Variants in PTPN4 observed in about 807,000 individuals in gnomAD.
PTPN4 encodes protein tyrosine phosphatase non-receptor type 4.
PTPN4 carries 49 observed loss-of-function variants against 135.5 expected under a neutral mutation model. That is an observed-to-expected ratio of 0.36 (90% CI 0.29 to 0.46). The LOEUF (loss-of-function observed/expected upper bound fraction) is 0.46. Ranked by LOEUF, PTPN4 falls within the 20% of genes least tolerant of loss-of-function variation. The pLI, the probability that PTPN4 is intolerant of heterozygous loss-of-function variation, is 1.00. For synonymous variants in PTPN4, 333 were observed against 369.9 expected, an observed-to-expected ratio of 0.90 and a Z score of 1.14; for missense variants, 860 against 1,101.0, an observed-to-expected ratio of 0.78 and a Z score of 3.10.
At chr2:119,885,904 T>G (rs1678149146) in intron 9 of PTPN4, 22 bp downstream of exon 9, 3 of 1,490,932 alleles carry the variant, frequency 2.0e-6, no homozygotes, top group Non-Finnish European at 2.7e-6. Context: ...AAACTTACTT[T>G]GATGTTGTTG....
At chr2:119,957,432 G>GT (rs1679304819) in intron 22 of PTPN4, among the ~76,000 whole-genome samples, 1 of 152,038 alleles carries the variant, frequency 6.6e-6, no homozygotes, top group African/African-American at 2.4e-5. Context: ...TGTCTAGGTT[G>GT]CATGCTCATT....
At chr2:119,786,927 T>G (rs1380577821) in intron 1 of PTPN4, among the ~76,000 whole-genome samples, 2 of 152,196 alleles carry the variant, frequency 1.3e-5, no homozygotes, top group African/African-American at 4.8e-5. Flanking sequence ...CCTACCTGGC[T>G]TTAGGTTGGG....
chr2:119,850,486 T>C lies in PTPN4; in HGVS notation c.139-12050T>C, dbSNP rs892223720. ...CATTCTGGAATTTAAATTGTGATAA[T>C]GTTGCTGGGAAGCATGAGAAGTGCT... On this transcript the variant is annotated intron_variant, in intron 2 of 26. Transcript: ENST00000263708. Among the ~76,000 whole-genome samples, 15 of 152,354 alleles carry C rather than the reference T, an allele frequency of 9.8e-5. No homozygotes were observed. The East Asian group carries it at 2.1e-3, about 22-fold the overall frequency.
At chr2:119,803,645 T>C (rs1211100554) in intron 1 of PTPN4, among the ~76,000 whole-genome samples, 1 of 152,216 alleles carries the variant, frequency 6.6e-6, no homozygotes, top group Non-Finnish European at 1.5e-5. Flanking sequence ...TTGTCTTTGC[T>C]AGAGTGTTCT....
chr2:119,952,705 C>T (rs1558773337), intron 19 of PTPN4, among the ~76,000 whole-genome samples: 3 of 152,190 alleles, frequency 2.0e-5, no homozygotes, highest in African/African-American at 7.2e-5. Flanking sequence ...CTTGCCTAAT[C>T]ATGTCATCTC....
At chr2:119,859,811 A>G (rs1558747375) in intron 2 of PTPN4, among the ~76,000 whole-genome samples, 1 of 152,240 alleles carries the variant, frequency 6.6e-6, no homozygotes, top group Non-Finnish European at 1.5e-5. Flanking sequence ...ACCAGGTGGC[A>G]CATGAAACTA....
intron 5 of PTPN4, among the ~76,000 whole-genome samples, chr2:119,881,316 T>C (rs1486393518): frequency 6.6e-6 from 1 of 152,248 alleles, no homozygotes; most frequent in Non-Finnish European, 1.5e-5. Context: ...ACAGGCAGCT[T>C]CCTGCCATCT....
At chr2:119,781,081 G>A (rs1159164556) in intron 1 of PTPN4, among the ~76,000 whole-genome samples, 2 of 152,200 alleles carry the variant, frequency 1.3e-5, no homozygotes, top group Non-Finnish European at 1.5e-5. Flanking sequence ...CATATTTCCT[G>A]ATAGGAGTTT....
At chr2:119,905,394 T>C (rs1049451011) in intron 10 of PTPN4, among the ~76,000 whole-genome samples, 3 of 152,138 alleles carry the variant, frequency 2.0e-5, no homozygotes, top group Non-Finnish European at 4.4e-5. Flanking sequence ...AAGGTCAATA[T>C]CAAATGATAA....
intron 2 of PTPN4, among the ~76,000 whole-genome samples, chr2:119,845,397 CTT>C (rs1238777292): frequency 6.6e-6 from 1 of 152,106 alleles, no homozygotes; most frequent in Non-Finnish European, 1.5e-5. Context: ...AATTCAGTCT[CTT>C]TACTTATGAT....
chr2:119,876,116 G>T (rs1358994745), intron 3 of PTPN4, among the ~76,000 whole-genome samples: 1 of 152,168 alleles, frequency 6.6e-6, no homozygotes, highest in African/African-American at 2.4e-5. Context: ...AGGCCATTAT[G>T]GCTGGAATTT....
chr2:119,794,660 G>C (rs2104937988), intron 1 of PTPN4, among the ~76,000 whole-genome samples: 1 of 152,276 alleles, frequency 6.6e-6, no homozygotes, highest in African/African-American at 2.4e-5. Flanking sequence ...GAGTTTCTAG[G>C]TCTGGGCTCC....
intron 2 of PTPN4, among the ~76,000 whole-genome samples, chr2:119,822,724 A>G (rs1677088857): frequency 6.6e-6 from 1 of 151,956 alleles, no homozygotes; most frequent in African/African-American, 2.4e-5. Context: ...TTATGTTTTT[A>G]GTACATTCCT....
chr2:119,926,320 G>A (rs970215969), intron 12 of PTPN4, among the ~76,000 whole-genome samples: 1 of 152,070 alleles, frequency 6.6e-6, no homozygotes, highest in African/African-American at 2.4e-5. Context: ...CCATTTTTCT[G>A]CCTTAGTTCC....
chr2:119,767,256 C>T (rs1574322416), intron 1 of PTPN4, among the ~76,000 whole-genome samples: 2 of 151,962 alleles, frequency 1.3e-5, no homozygotes, highest in East Asian at 1.9e-4. Flanking sequence ...AGTGAAACAA[C>T]CTCATCATCT....
At chr2:119,760,421 C>G (rs1031612611) in intron 1 of PTPN4, 37 bp downstream of exon 1, 2 of 388,198 alleles carry the variant, frequency 5.2e-6, no homozygotes, top group South Asian at 1.4e-4. Context: ...CCTCTCGGCC[C>G]TGCACGTTGA....
intron 13 of PTPN4, among the ~76,000 whole-genome samples, chr2:119,929,984 A>T (rs904631210): frequency 6.6e-6 from 1 of 152,184 alleles, no homozygotes; most frequent in South Asian, 2.1e-4. Context: ...TACATTATGA[A>T]TTAGCATTAA....
intron 9 of PTPN4, among the ~76,000 whole-genome samples, chr2:119,889,061 T>C (rs1398050525): frequency 6.6e-6 from 1 of 152,114 alleles, no homozygotes; most frequent in Non-Finnish European, 1.5e-5. Flanking sequence ...TCGTGGTAGG[T>C]TATATGTTTC....
intron 26 of PTPN4, among the ~76,000 whole-genome samples, chr2:119,975,054 T>G (rs929204919): frequency 6.6e-6 from 1 of 152,186 alleles, no homozygotes. Flanking sequence ...TTTTTGCCCT[T>G]TGAGTATATT....
Sources: gnomAD v4.1 joint callset for allele counts (sites outside exome capture counted in the v4.1 genomes callset) on GRCh38, gnomAD v4.1.1 for gene constraint, MANE v1.5 for transcripts, NCBI Gene and HGNC (gene_info 2026-07-23, HGNC 2026-07-21) for gene names.